The following RNF169 variants were observed in gnomAD, a reference collection of about 807,000 sequenced individuals.
The protein encoded by RNF169 is E3 ubiquitin-protein ligase RNF169.
A neutral mutation model predicts 53.9 loss-of-function variants in RNF169; 24 were observed. The observed-to-expected ratio is 0.45, with a 90% CI of 0.32 to 0.63. The LOEUF is 0.63. Ranked by LOEUF, RNF169 falls within the 20% of genes least tolerant of loss-of-function variation. The probability of loss-of-function intolerance (pLI) is 0.04; values close to 1 mark genes in which losing one functional copy is unlikely to be tolerated. For missense variants in RNF169, 883 were observed against 906.2 expected, an observed-to-expected ratio of 0.97 and a Z score of 0.33; for synonymous variants, 396 against 363.5, an observed-to-expected ratio of 1.09 and a Z score of -1.02.
At chr11:74,763,044 A>G (rs989077820) in intron 1 of RNF169, among the ~76,000 whole-genome samples, 1 of 152,196 alleles carries the variant, frequency 6.6e-6, no homozygotes, top group African/African-American at 2.4e-5. Context: ...CTTCCCTATT[A>G]CACAAGGAGA....
At chr11:74,751,959 C>T (rs540021379) in intron 1 of RNF169, among the ~76,000 whole-genome samples, 6 of 152,132 alleles carry the variant, frequency 3.9e-5, no homozygotes, top group Admixed American at 2.6e-4. Flanking sequence ...TTTGGCCAGG[C>T]GCGGTGGCTC....
rs191953684 is a variant in RNF169, at chr11:74,751,194, C to T, written c.502+1812C>T. 5.0e-3 allele frequency among the ~76,000 whole-genome samples: 758 copies of T among 152,278 alleles called. 5 individuals are homozygous for T. Among genetic ancestry groups the T allele is most frequent in the African/African-American group, 0.017 (716 of 41,548 alleles). ...CCCTCGTTATTCCTTTTAAGCTTCA[C>T]AACATCCCTATGAGATAAGTACTTT... On this transcript the variant is annotated intron_variant, in intron 1 of 5. Transcript: ENST00000299563.
chr11:74,816,115 G>A lies in RNF169; in HGVS notation c.724-1481G>A, dbSNP rs745610367. ...GCTGTTAGCAAATATAGTCTATTGT[G>A]TCGCTGTGCCTGTCAGCCTAGAGAA... On this transcript the variant is annotated intron_variant, in intron 3 of 5. Coordinates refer to ENST00000299563, the MANE Select transcript of RNF169 (RefSeq NM_001098638.2). 3.9e-5 allele frequency among the ~76,000 whole-genome samples: 6 copies of A among 152,268 alleles called. No homozygotes were observed. In the South Asian group the frequency reaches 1.2e-3, roughly 32 times the overall value.
chr11:74,790,167 T>TG (rs1466632481), intron 2 of RNF169, among the ~76,000 whole-genome samples: 1 of 152,210 alleles, frequency 6.6e-6, no homozygotes, highest in African/African-American at 2.4e-5. Flanking sequence ...CAATTACCAT[T>TG]GGGAAAGCTT....
chr11:74,757,842 G>T (rs2035011428), intron 1 of RNF169, among the ~76,000 whole-genome samples: 1 of 51,598 alleles, frequency 1.9e-5, no homozygotes, highest in Non-Finnish European at 3.0e-5. Flanking sequence ...TTTTGATGGG[G>T]TTGTTTGTTT....
At chr11:74,767,957 G>A (rs939564411) in intron 1 of RNF169, among the ~76,000 whole-genome samples, 1 of 152,124 alleles carries the variant, frequency 6.6e-6, no homozygotes, top group Non-Finnish European at 1.5e-5. Context: ...GAGATTACAG[G>A]TGTGAGCCAC....
intron 1 of RNF169, among the ~76,000 whole-genome samples, chr11:74,788,762 T>G (rs1302781938): frequency 6.6e-6 from 1 of 152,176 alleles, no homozygotes; most frequent in Non-Finnish European, 1.5e-5. Flanking sequence ...CCATATAGCC[T>G]TATTAATTTT....
chr11:74,751,808 T>G (rs2034899395), intron 1 of RNF169, among the ~76,000 whole-genome samples: 1 of 152,236 alleles, frequency 6.6e-6, no homozygotes, highest in Non-Finnish European at 1.5e-5. Flanking sequence ...CCAAAAGGCT[T>G]AGGAAGTATC....
At position 74,817,786 on chromosome 11, in the gene RNF169, C is replaced by G. The variant is rs1394453666; in HGVS notation, c.842+72C>G. Reference sequence around the variant, plus strand: ...TATGAGATAAAAGGGACTGGGGGAGCAAAGGTATTTGTTGTGGCTACTTTG... The same window carrying G: ...TATGAGATAAAAGGGACTGGGGGAGGAAAGGTATTTGTTGTGGCTACTTTG... On this transcript the variant is annotated intron_variant, in intron 4 of 5. Coordinates refer to ENST00000299563, the MANE Select transcript of RNF169 (RefSeq NM_001098638.2). The G allele has an allele frequency of 4.3e-6, 4 of 937,444 alleles. No individual in the cohort carries two copies. The East Asian group carries it at 9.7e-5, about 23-fold the overall frequency. 58.1% of individuals were successfully genotyped at this position (937,444 alleles called of 1,614,324 possible). A position where few individuals can be genotyped will look rare whatever the true frequency, so the allele number is the denominator to read the frequency against.
At chr11:74,754,479 G>A (rs570711716) in intron 1 of RNF169, among the ~76,000 whole-genome samples, 1 of 152,218 alleles carries the variant, frequency 6.6e-6, no homozygotes, top group South Asian at 2.1e-4. Context: ...TTTTAAATTG[G>A]CAGTTTAAAT....
chr11:74,780,580 T>C lies in RNF169; in HGVS notation c.503-9046T>C, dbSNP rs960416165. Among the ~76,000 whole-genome samples, 29 of 152,262 alleles carry C rather than the reference T, an allele frequency of 1.9e-4. 1 individual carries two copies. The highest frequency in any genetic ancestry group is 6.8e-4 in the African/African-American group (28 of 41,476). ...TACTTATGTATGCACGCTTGCCTTA[T>C]GATGTGCATCATTTCATACTTTAAA... On this transcript the variant is annotated intron_variant, in intron 1 of 5. Coordinates refer to ENST00000299563, the MANE Select transcript of RNF169 (RefSeq NM_001098638.2).
At chr11:74,832,288 G>T (rs1364854161) in intron 4 of RNF169, 1 of 150,994 alleles carries the variant, frequency 6.6e-6, no homozygotes. Context: ...TAGATTGTCA[G>T]AATTTTTTTT....
chr11:74,825,766 C>T (rs2036085770), intron 4 of RNF169, among the ~76,000 whole-genome samples: 1 of 152,136 alleles, frequency 6.6e-6, no homozygotes, highest in Non-Finnish European at 1.5e-5. Flanking sequence ...TACTGGCAAA[C>T]CAAATCCAGC....
chr11:74,805,736 T>C (rs946746250), intron 2 of RNF169, among the ~76,000 whole-genome samples: 14 of 152,282 alleles, frequency 9.2e-5, no homozygotes, highest in African/African-American at 3.1e-4. Flanking sequence ...AAGAGTACAG[T>C]TGACCATTGA....
At chr11:74,795,917 A>G (rs1012971316) in intron 2 of RNF169, among the ~76,000 whole-genome samples, 1 of 152,202 alleles carries the variant, frequency 6.6e-6, no homozygotes, top group African/African-American at 2.4e-5. Flanking sequence ...TTGCCTTTTA[A>G]AAAGACTTTT....
intron 4 of RNF169, chr11:74,831,206 T>C (rs928863767): frequency 1.3e-5 from 2 of 152,206 alleles, no homozygotes; most frequent in African/African-American, 4.8e-5. Flanking sequence ...GAAGTAAGAC[T>C]ATCTCTGTTT....
chr11:74,836,721 G>A lies in RNF169; in HGVS notation c.2118G>A (p.Gly706=). 2.5e-6 allele frequency: 4 copies of A among 1,607,338 alleles called. No individual in the cohort carries two copies. Among genetic ancestry groups the A allele is most frequent in the Non-Finnish European group, 3.4e-6 (4 of 1,178,028 alleles). ...TCCTACGGTCCAGCAACATGGCCGG[G>A]GCCAAGTAGCACCTAATGAAGTGTT... ...QYLLRSSNMA[G]AK Residue 706 remains glycine (G), a synonymous_variant, in exon 6 of 6, where the codon GGG becomes GGA. Coordinates refer to ENST00000299563, the MANE Select transcript of RNF169 (RefSeq NM_001098638.2).
intron 1 of RNF169, among the ~76,000 whole-genome samples, chr11:74,762,015 T>C (rs897612717): frequency 1.4e-5 from 2 of 142,042 alleles, no homozygotes; most frequent in South Asian, 4.6e-4. Context: ...TTTTATTCTT[T>C]TTTCTCTAAA....
intron 2 of RNF169, among the ~76,000 whole-genome samples, chr11:74,792,859 T>G (rs1223439933): frequency 2.0e-5 from 3 of 152,200 alleles, no homozygotes; most frequent in Non-Finnish European, 4.4e-5. Flanking sequence ...GTGTATAAAC[T>G]GGATTGGATT....
Sources: allele counts gnomAD v4.1 joint callset (sites outside exome capture counted in the v4.1 genomes callset), GRCh38; gene constraint gnomAD v4.1.1; transcripts MANE v1.5; gene names NCBI Gene and HGNC (gene_info 2026-07-23, HGNC 2026-07-21).